ST3GAL4: variants seen among roughly 807,000 people sequenced by gnomAD.
The protein encoded by ST3GAL4 is CMP-N-acetylneuraminate-beta-galactosamide-alpha-2,3-sialyltransferase 4.
Under a neutral mutation model 42.6 loss-of-function variants are expected in ST3GAL4, and 24 were observed. The observed-to-expected ratio is 0.56, with a 90% CI of 0.41 to 0.79. The LOEUF (loss-of-function observed/expected upper bound fraction) is 0.79, where lower values mean the gene tolerates loss of function less well. ST3GAL4 is among the 30% of genes least tolerant of loss of function. The pLI is 0.00. For missense variants in ST3GAL4, 311 were observed against 430.8 expected (o/e 0.72, Z 2.46); for synonymous variants, 135 against 163.2 (o/e 0.83, Z 1.32).
At chr11:126,380,699 G>T (rs899935166) in intron 1 of ST3GAL4, among the ~76,000 whole-genome samples, 2 of 152,152 alleles carry the variant, frequency 1.3e-5, no homozygotes, top group South Asian at 2.1e-4. Flanking sequence ...CAAATAAAGC[G>T]AATTGCCCTA....
rs1954404159 is a variant in ST3GAL4 at position 126,409,097 on chromosome 11, C to G, written c.628-171C>G. Among the ~76,000 whole-genome samples the G allele has an allele frequency of 6.6e-6, 1 of 152,208 alleles. No individual in the cohort carries two copies. ...TCCTCCTCTCTTTCCCTGGTCCTCTCCTGGTCTCCCATCTGTGGCACAGAC... is the reference window on the plus strand; with the variant it reads ...TCCTCCTCTCTTTCCCTGGTCCTCTGCTGGTCTCCCATCTGTGGCACAGAC... On this transcript the variant is annotated intron_variant, in intron 8 of 10. Coordinates refer to ENST00000444328, the MANE Select transcript of ST3GAL4 (RefSeq NM_001254757.2). The surrounding 1 kb of genome is among the most constrained non-coding windows in gnomAD (Gnocchi z 4.9).
chr11:126,373,798 C>A lies in ST3GAL4; in HGVS notation c.-61+17956C>A. 6.6e-6 allele frequency among the ~76,000 whole-genome samples: 1 copy of A among 152,052 alleles called. No individual in the cohort carries two copies. The highest frequency in any genetic ancestry group is 6.5e-5 in the Admixed American group (1 of 15,270). On this transcript the variant is annotated intron_variant, in intron 1 of 10. Transcript: ENST00000444328. This position sits in a 1 kb window ranked among gnomAD's most constrained non-coding sequence, Gnocchi z 5.5. ...AGTTACTCACTGTGCTCTCTGCCAA[C>A]TCTAATGAGCCAGGAAGCCTCCCCG...
At chr11:126,371,567 AAT>A (rs1160034277) in intron 1 of ST3GAL4, among the ~76,000 whole-genome samples, 5 of 152,330 alleles carry the variant, frequency 3.3e-5, no homozygotes, top group Non-Finnish European at 7.3e-5. Context: ...TTAAAAAGTT[AAT>A]GTTATGTTTT....
chr11:126,374,379 G>T (rs1423431341), intron 1 of ST3GAL4, among the ~76,000 whole-genome samples: 4 of 150,050 alleles, frequency 2.7e-5, no homozygotes, highest in Non-Finnish European at 5.9e-5. Flanking sequence ...TTGAACCCGG[G>T]AGGTGGAGGT....
intron 1 of ST3GAL4, among the ~76,000 whole-genome samples, chr11:126,402,083 T>C (rs1175278301): frequency 1.3e-5 from 1 of 76,408 alleles, no homozygotes; most frequent in Non-Finnish European, 2.9e-5. Flanking sequence ...GTGGAAGGAT[T>C]TGGGGGAAAG....
rs1952892336 is a variant in ST3GAL4, at chr11:126,378,319, T to C, written c.-61+22477T>C. ...ACATCTGCGTCTGCACAGCGCCACG[T>C]TGAATGGTTATGGTTTCAATTGGAG... On this transcript the variant is annotated intron_variant, in intron 1 of 10. Transcript: ENST00000444328. The surrounding 1 kb of genome is among the most constrained non-coding windows in gnomAD (Gnocchi z 5.3). 6.6e-6 allele frequency among the ~76,000 whole-genome samples: 1 copy of C among 152,212 alleles called. No individual in the cohort carries two copies. The highest frequency in any genetic ancestry group is 6.5e-5 in the Admixed American group (1 of 15,278).
chr11:126,367,504 A>C (rs1952477217), intron 1 of ST3GAL4, among the ~76,000 whole-genome samples: 4 of 152,156 alleles, frequency 2.6e-5, no homozygotes, highest in Admixed American at 2.6e-4. Context: ...GTGCCTGGGA[A>C]GGGAGGACCA....
At chr11:126,372,953 C>A (rs557145286) in intron 1 of ST3GAL4, among the ~76,000 whole-genome samples, 1 of 152,342 alleles carries the variant, frequency 6.6e-6, no homozygotes, top group South Asian at 2.1e-4. Flanking sequence ...CCCCGAAGCA[C>A]AGTTGTGGGA....
intron 1 of ST3GAL4, among the ~76,000 whole-genome samples, chr11:126,380,301 C>CGTAAA (rs59683608): frequency 0.039 from 5,916 of 151,510 alleles, 381 homozygotes; most frequent in African/African-American, 0.13. Flanking sequence ...TTCCAGGTCA[C>CGTAAA]GTAAGGTGGG....
At position 126,409,159 on chromosome 11, in the gene ST3GAL4, G is replaced by A; in HGVS notation, c.628-109G>A. On this transcript the variant is annotated intron_variant, in intron 8 of 10. Transcript: ENST00000444328. The surrounding 1 kb of genome is among the most constrained non-coding windows in gnomAD (Gnocchi z 4.9). Reference sequence around the variant, plus strand: ...TTCCTCTCACCTTGTGCTCCTGAAGGCCTCTGCCATCGCTTGGACCCCCTC... The same window carrying A: ...TTCCTCTCACCTTGTGCTCCTGAAGACCTCTGCCATCGCTTGGACCCCCTC... The A allele has an allele frequency of 7.3e-7, 1 of 1,368,020 alleles. No individual in the cohort carries two copies. Among genetic ancestry groups the A allele is most frequent in the East Asian group, 2.3e-5 (1 of 43,308 alleles). 84.7% of individuals were successfully genotyped at this position (1,368,020 alleles called of 1,614,324 possible).
Position 126,406,975 on chromosome 11 carries a change from C to A in ST3GAL4, c.134C>A (p.Pro45Gln), listed in dbSNP as rs144143100. Residue 45 changes from proline (P) to glutamine (Q), a missense_variant, in exon 4 of 11, where the codon CCG becomes CAG. Transcript: ENST00000444328. This position sits in a 1 kb window ranked among gnomAD's most constrained non-coding sequence, Gnocchi z 5.4. ...TTTCCCATCCCAGAGAAGAAGGAGC[C>A]GTGCCTCCAGGGTGAGGCAGAGAGC... is the stretch of plus-strand genomic sequence containing the variant. ...FYFPIPEKKE[P>Q]CLQGEAESKA... The A allele has an allele frequency of 9.3e-6, 15 of 1,613,914 alleles. No homozygotes were observed. The highest frequency in any genetic ancestry group is 8.8e-5 in the South Asian group (8 of 91,080).
rs770163722 is a variant in ST3GAL4, at chr11:126,393,610, A to T, written c.-60-12486A>T. ...TCCTAATTTAGCCTTTCTGAAGTGG[A>T]GCCTTGGGAGCCGATGAAGCTTAAT... On this transcript the variant is annotated intron_variant, in intron 1 of 10. Transcript: ENST00000444328. This position sits in a 1 kb window ranked among gnomAD's most constrained non-coding sequence, Gnocchi z 5.9. 2.0e-5 allele frequency among the ~76,000 whole-genome samples: 3 copies of T among 152,028 alleles called. No homozygotes were observed. The highest frequency in any genetic ancestry group is 4.4e-5 in the Non-Finnish European group (3 of 67,994).
intron 1 of ST3GAL4, among the ~76,000 whole-genome samples, chr11:126,389,880 G>T (rs1953407312): frequency 6.6e-6 from 1 of 151,492 alleles, no homozygotes; most frequent in African/African-American, 2.4e-5. Context: ...ACTTTAAAAA[G>T]TTAACATTAT....
At chr11:126,387,414 A>G (rs1484983185) in intron 1 of ST3GAL4, among the ~76,000 whole-genome samples, 1 of 152,098 alleles carries the variant, frequency 6.6e-6, no homozygotes, top group Non-Finnish European at 1.5e-5. Flanking sequence ...GTGGTGGCTC[A>G]CACCTTTAAT....
chr11:126,407,466 CA>C (rs1954291963), intron 5 of ST3GAL4, 107 bp from the exon 6 acceptor site: 2 of 1,563,456 alleles, frequency 1.3e-6, no homozygotes, highest in South Asian at 1.1e-5. Flanking sequence ...GTACCAGGGT[CA>C]GGGGAAGAAG....
At chr11:126,388,554 A>T (rs1953326328) in intron 1 of ST3GAL4, among the ~76,000 whole-genome samples, 1 of 151,012 alleles carries the variant, frequency 6.6e-6, no homozygotes, top group African/African-American at 2.4e-5. Context: ...CTGGTCTCGA[A>T]CTCATGACCT....
chr11:126,364,637 C>T (rs1157840148), intron 1 of ST3GAL4, among the ~76,000 whole-genome samples: 1 of 146,068 alleles, frequency 6.8e-6, no homozygotes, highest in Non-Finnish European at 1.5e-5. Context: ...TCCATTTCCT[C>T]CCTCACTCCT....
intron 1 of ST3GAL4, among the ~76,000 whole-genome samples, chr11:126,371,167 T>TTTTTTTTTTTTTTTTTA (rs1388116821): frequency 1.0e-5 from 1 of 99,604 alleles, no homozygotes; most frequent in Non-Finnish European, 2.1e-5. Flanking sequence ...ACATTCCTTT[T>TTTTTTTTTTTTTTTTTA]TTTTTTTTTT....
Position 126,413,375 on chromosome 11 carries a change from C to T in ST3GAL4, c.772-130C>T, listed in dbSNP as rs575271061. The T allele has an allele frequency of 7.3e-5, 87 of 1,190,144 alleles. 1 individual carries two copies. In the South Asian group the frequency reaches 1.4e-3, roughly 19 times the overall value. The allele number at this position is 1,190,144 out of a possible 1,614,324, so 73.7% of individuals were successfully genotyped here. ...CATTTGCGTGCTCGTTAGCTCGTGGCTTGTCTTGTTGGACAGCGCAGATGG... is the reference window on the plus strand; with the variant it reads ...CATTTGCGTGCTCGTTAGCTCGTGGTTTGTCTTGTTGGACAGCGCAGATGG... On this transcript the variant is annotated intron_variant, in intron 9 of 10. Coordinates refer to ENST00000444328, the MANE Select transcript of ST3GAL4 (RefSeq NM_001254757.2).
Sources: gnomAD v4.1 joint callset for allele counts (sites outside exome capture counted in the v4.1 genomes callset) on GRCh38, gnomAD v4.1.1 for gene constraint, Gnocchi (gnomAD v3.1) non-coding constraint, MANE v1.5 for transcripts, NCBI Gene and HGNC (gene_info 2026-07-23, HGNC 2026-07-21) for gene names.